Variants in P2RX4 observed in about 807,000 individuals in gnomAD.
P2RX4 encodes the protein P2X purinoceptor 4.
In P2RX4, 37 loss-of-function variants were observed where a neutral mutation model predicts 48.0. The ratio of observed to expected loss-of-function variants is 0.77; its 90% CI spans 0.59 to 1.01. P2RX4 has a LOEUF of 1.01. P2RX4 is among the 50% of genes least tolerant of loss of function. P2RX4 has a pLI of 0.00. For synonymous variants in P2RX4, 200 were observed against 199.7 expected (o/e 1.00, Z -0.01); for missense variants, 501 against 521.4 (o/e 0.96, Z 0.38).
At chr12:121,219,060 A>C (rs1886403856) in intron 2 of P2RX4, among the ~76,000 whole-genome samples, 1 of 152,190 alleles carries the variant, frequency 6.6e-6, no homozygotes, top group Non-Finnish European at 1.5e-5. Flanking sequence ...TAGGAAACGA[A>C]AAGTAGACCA....
At chr12:121,221,552 C>T (rs1886610347) in intron 2 of P2RX4, among the ~76,000 whole-genome samples, 1 of 151,952 alleles carries the variant, frequency 6.6e-6, no homozygotes, top group Non-Finnish European at 1.5e-5. Context: ...CGCCATCACA[C>T]CCGGCTAATT....
Position 121,232,482 on chromosome 12 carries a change from GC to G in P2RX4, c.954del (p.Phe319SerfsTer18). On this transcript the variant is annotated frameshift_variant, in exon 9 of 12. Transcript: ENST00000337233. LOFTEE classifies it high-confidence loss of function. This position sits in a 1 kb window ranked among gnomAD's most constrained non-coding sequence, Gnocchi z 4.3. The part of the protein sequence containing the change: ...QRTLIKAYGI[R>X]FDIIVFGKAG... Reference sequence around the variant, plus strand: ...ACGCTCATCAAGGCCTATGGCATCCGCTTCGACATCATTGTGTTTGGGAAGG... The same window carrying G: ...ACGCTCATCAAGGCCTATGGCATCCGTTCGACATCATTGTGTTTGGGAAGG... 1 of 1,614,122 alleles carries G rather than the reference GC, an allele frequency of 6.2e-7. No homozygotes were observed. Among genetic ancestry groups the G allele is most frequent in the Non-Finnish European group, 8.5e-7 (1 of 1,179,966 alleles).
rs563833179 is a variant in P2RX4, at chr12:121,220,686, CAG to C, written c.283-1226_283-1225del. Among the ~76,000 whole-genome samples, 391 of 152,212 alleles carry C rather than the reference CAG, an allele frequency of 2.6e-3. 6 individuals are homozygous for C. The South Asian group carries it at 0.027, about 11-fold the overall frequency. ...ATTAACCATTTTAAAATGAAAAATTCAGCACATTTAGTGCATTCACAGTGTTA... is the reference window on the plus strand; with the variant it reads ...ATTAACCATTTTAAAATGAAAAATTCCACATTTAGTGCATTCACAGTGTTA... On this transcript the variant is annotated intron_variant, in intron 2 of 11. Transcript: ENST00000337233.
intron 8 of P2RX4, among the ~76,000 whole-genome samples, chr12:121,230,743 G>T (rs1428935516): frequency 6.6e-6 from 1 of 152,124 alleles, no homozygotes; most frequent in Non-Finnish European, 1.5e-5. Context: ...GGCCCATGGC[G>T]TGGAAGTTGT....
chr12:121,222,212 G>T (rs373107336), intron 4 of P2RX4, 46 bp downstream of exon 4: 1 of 1,287,870 alleles, frequency 7.8e-7, no homozygotes. Context: ...TGAGCAGATC[G>T]CCCCCACTGT....
intron 5 of P2RX4, 56 bp from the exon 6 acceptor site, chr12:121,228,477 G>T: frequency 2.0e-6 from 2 of 1,009,762 alleles, no homozygotes; most frequent in Non-Finnish European, 3.0e-6. Flanking sequence ...ATATAACATG[G>T]TTATGTGAGT....
chr12:121,218,423 G>A (rs1886367517), intron 2 of P2RX4, among the ~76,000 whole-genome samples: 1 of 152,126 alleles, frequency 6.6e-6, no homozygotes, highest in Non-Finnish European at 1.5e-5. Flanking sequence ...GGCGGAGGTT[G>A]TAGTGAGCCG....
At chr12:121,215,750 G>C (rs993098593) in intron 1 of P2RX4, 24 of 152,200 alleles carry the variant, frequency 1.6e-4, no homozygotes, top group African/African-American at 5.8e-4. Flanking sequence ...TGTTGCCCAG[G>C]CTTGTCTCGA....
rs1887527452 is a variant in P2RX4 at position 121,233,726 on chromosome 12, C to T, written c.*177C>T. The T allele has an allele frequency of 6.9e-7, 1 of 1,446,686 alleles. No homozygotes were observed. The highest frequency in any genetic ancestry group is 1.4e-5 in the African/African-American group (1 of 70,798). 89.6% of individuals were successfully genotyped at this position (1,446,686 alleles called of 1,614,324 possible). On this transcript the variant is annotated 3_prime_UTR_variant, in exon 12 of 12. Coordinates refer to ENST00000337233, the MANE Select transcript of P2RX4 (RefSeq NM_002560.3). ...GTGTTGTGTGCAGGATCTGTTTGCC[C>T]ACTCGGCCCAGGAGGTCAGCAGTCT...
At chr12:121,216,820 CA>C (rs59513233) in intron 1 of P2RX4, 51,670 of 488,090 alleles carry the variant, frequency 0.11, 15 homozygotes, top group South Asian at 0.12. Flanking sequence ...AACATCGTCT[CA>C]AAAAAAAAAA....
At position 121,233,744 on chromosome 12, in the gene P2RX4, A is replaced by G. The variant is rs1037725588; in HGVS notation, c.*195A>G. On this transcript the variant is annotated 3_prime_UTR_variant, in exon 12 of 12. Transcript: ENST00000337233. ...GTTTGCCCACTCGGCCCAGGAGGTC[A>G]GCAGTCTGTTCTTGGCTGGGTCAAC... 7.3e-7 allele frequency: 1 copy of G among 1,365,152 alleles called. No individual in the cohort carries two copies. Among genetic ancestry groups the G allele is most frequent in the African/African-American group, 1.5e-5 (1 of 68,934 alleles). 84.6% of individuals were successfully genotyped at this position (1,365,152 alleles called of 1,614,324 possible). A position where few individuals can be genotyped will look rare whatever the true frequency, so the allele number is the denominator to read the frequency against.
At chr12:121,210,384 G>T in intron 1 of P2RX4, 86 bp downstream of exon 1, 2 of 1,274,140 alleles carry the variant, frequency 1.6e-6, no homozygotes, top group South Asian at 2.2e-5. Flanking sequence ...TCGGTCACCT[G>T]GGCGAGTCCG....
At chr12:121,212,807 TATATATA>T (rs1885952245) in intron 1 of P2RX4, 3 of 34,216 alleles carry the variant, frequency 8.8e-5, no homozygotes, top group African/African-American at 1.3e-4. Flanking sequence ...TATATATATA[TATATATA>T]TATATATATA....
chr12:121,224,923 C>T (rs765499639), intron 5 of P2RX4, among the ~76,000 whole-genome samples: 28 of 152,140 alleles, frequency 1.8e-4, no homozygotes, highest in Admixed American at 4.6e-4. Context: ...GAAAAGGAAT[C>T]CTAGCATCTT....
At chr12:121,214,591 A>G (rs1420390544) in intron 1 of P2RX4, 1 of 152,226 alleles carries the variant, frequency 6.6e-6, no homozygotes, top group East Asian at 1.9e-4. Context: ...CTTGATGAGT[A>G]CATCAGTCTT....
chr12:121,223,813 G>C (rs149823723), intron 5 of P2RX4, among the ~76,000 whole-genome samples: 2 of 152,178 alleles, frequency 1.3e-5, no homozygotes, highest in Non-Finnish European at 2.9e-5. Context: ...CTGGGAGGAG[G>C]AGGTTGCTGA....
intron 11 of P2RX4, 56 bp from the exon 12 acceptor site, chr12:121,233,467 C>G: frequency 1.3e-6 from 2 of 1,570,414 alleles, no homozygotes; most frequent in Non-Finnish European, 1.7e-6. Flanking sequence ...ACCTCCCTCC[C>G]GCCTGCCACA....
chr12:121,214,967 G>T (rs189554778), intron 1 of P2RX4: 31 of 152,264 alleles, frequency 2.0e-4, no homozygotes, highest in African/African-American at 7.2e-4. Flanking sequence ...TGTATTTTTA[G>T]TAGAGTCGGG....
In P2RX4 at chr12:121,232,585, T is replaced by A; in HGVS notation, c.979-26T>A. ...CTCTCCCTGCCCCTGCAGAAACACT[T>A]TTTTTCTTTTTCGGTGTCTTGGCAG... On this transcript the variant is annotated intron_variant, in intron 9 of 11. Coordinates refer to ENST00000337233, the MANE Select transcript of P2RX4 (RefSeq NM_002560.3). This position sits in a 1 kb window ranked among gnomAD's most constrained non-coding sequence, Gnocchi z 4.3. 2 of 1,612,992 alleles carry A rather than the reference T, an allele frequency of 1.2e-6. No individual in the cohort carries two copies. Among genetic ancestry groups the A allele is most frequent in the East Asian group, 2.2e-5 (1 of 44,866 alleles).
Sources: allele counts gnomAD v4.1 joint callset (sites outside exome capture counted in the v4.1 genomes callset), GRCh38; gene constraint gnomAD v4.1.1; non-coding constraint Gnocchi (gnomAD v3.1); transcripts MANE v1.5; gene names NCBI Gene and HGNC (gene_info 2026-07-23, HGNC 2026-07-21).